Variants in ME1 observed in about 807,000 individuals in gnomAD.
The protein encoded by ME1 is malic enzyme 1, also known as NADP-dependent malic enzyme.
ME1 carries 74 observed loss-of-function variants against 66.4 expected under a neutral mutation model. That is an observed-to-expected ratio of 1.11 (90% CI 0.92 to 1.35). The LOEUF is 1.35. ME1 is among the 40% of genes most tolerant of loss of function. The pLI is 0.00. For missense variants in ME1, 750 were observed against 694.1 expected, an observed-to-expected ratio of 1.08 and a Z score of -0.90; for synonymous variants, 251 against 235.6, an observed-to-expected ratio of 1.07 and a Z score of -0.60.
intron 6 of ME1, among the ~76,000 whole-genome samples, chr6:83,314,999 G>A (rs1768002622): frequency 6.6e-6 from 1 of 151,998 alleles, no homozygotes; most frequent in Non-Finnish European, 1.5e-5. Context: ...AATGTAAAAA[G>A]GTTTGCAGGT....
intron 3 of ME1, among the ~76,000 whole-genome samples, chr6:83,360,651 G>C (rs548535914): frequency 6.6e-6 from 1 of 152,118 alleles, no homozygotes; most frequent in Non-Finnish European, 1.5e-5. Context: ...AAACTATATC[G>C]CATCCCTGGA....
intron 3 of ME1, among the ~76,000 whole-genome samples, chr6:83,367,611 T>C (rs1769123729): frequency 6.6e-6 from 1 of 152,206 alleles, no homozygotes; most frequent in Non-Finnish European, 1.5e-5. Context: ...CTTCTTTCCT[T>C]AAACCTCATG....
At chr6:83,281,836 G>GAAAAAAAAAAAAAAAAAAAAAAAAAA (rs1767298402) in intron 6 of ME1, among the ~76,000 whole-genome samples, 1 of 64,238 alleles carries the variant, frequency 1.6e-5, no homozygotes, top group African/African-American at 6.3e-5. Flanking sequence ...AAAAAAAAAA[G>GAAAAAAAAAAAAAAAAAAAAAAAAAA]AAAAGAAAAC....
intron 5 of ME1, among the ~76,000 whole-genome samples, chr6:83,329,125 AATATT>A (rs1768358545): frequency 6.6e-6 from 1 of 152,110 alleles, no homozygotes; most frequent in Admixed American, 6.6e-5. Flanking sequence ...ATATTATCTT[AATATT>A]ATAAGTATTT....
chr6:83,363,405 C>A (rs960029721), intron 3 of ME1, among the ~76,000 whole-genome samples: 1 of 152,164 alleles, frequency 6.6e-6, no homozygotes, highest in African/African-American at 2.4e-5. Flanking sequence ...TACTACTCCA[C>A]AATGGCGGTA....
rs1767960303 is a variant in ME1 at position 83,313,038 on chromosome 6, T to A, written c.704+2272A>T. ...TTCCAAAGTGCTGGGATTAAAGGTG[T>A]GAGCCACTGTGCCTGGCCCAAGGGT... is the stretch of plus-strand genomic sequence containing the variant. On this transcript the variant is annotated intron_variant, in intron 6 of 13. Transcript: ENST00000369705. Among the ~76,000 whole-genome samples the A allele has an allele frequency of 2.0e-5, 3 of 152,210 alleles. No individual in the cohort carries two copies. The South Asian group carries it at 6.2e-4, about 31-fold the overall frequency.
intron 3 of ME1, among the ~76,000 whole-genome samples, chr6:83,364,038 G>C (rs1000281521): frequency 6.6e-6 from 1 of 152,144 alleles, no homozygotes; most frequent in African/African-American, 2.4e-5. Context: ...AACTTGATAG[G>C]ATTGAAAGAT....
At chr6:83,228,074 C>T (rs940149384) in intron 10 of ME1, among the ~76,000 whole-genome samples, 2 of 152,066 alleles carry the variant, frequency 1.3e-5, no homozygotes, top group African/African-American at 2.4e-5. Flanking sequence ...TTATTTTCAA[C>T]GTTGTCATCT....
intron 6 of ME1, among the ~76,000 whole-genome samples, chr6:83,276,028 C>T (rs1767176562): frequency 6.6e-6 from 1 of 151,962 alleles, no homozygotes; most frequent in South Asian, 2.1e-4. Flanking sequence ...TCTCGGTCTC[C>T]GGAACTGCTG....
intron 6 of ME1, among the ~76,000 whole-genome samples, chr6:83,301,332 CTCTCTCTT>C (rs144309031): frequency 0.064 from 9,212 of 143,292 alleles, 638 homozygotes; most frequent in African/African-American, 0.18. Flanking sequence ...CTCTCTCTCT[CTCTCTCTT>C]TCTTTCTTTC....
At chr6:83,264,291 C>T (rs1023791521) in intron 6 of ME1, among the ~76,000 whole-genome samples, 1 of 152,158 alleles carries the variant, frequency 6.6e-6, no homozygotes, top group Non-Finnish European at 1.5e-5. Context: ...CAAAATATTG[C>T]TGCTTATTGG....
intron 9 of ME1, among the ~76,000 whole-genome samples, chr6:83,237,479 A>G (rs1401897890): frequency 6.6e-6 from 1 of 152,160 alleles, no homozygotes; most frequent in Non-Finnish European, 1.5e-5. Context: ...ATTCAAATGG[A>G]CTGTCAATTC....
intron 7 of ME1, among the ~76,000 whole-genome samples, chr6:83,247,650 C>T (rs1383356617): frequency 6.6e-6 from 1 of 151,902 alleles, no homozygotes; most frequent in Non-Finnish European, 1.5e-5. Context: ...TCTGTGCCTG[C>T]AGAGAGGAAA....
At chr6:83,351,084 T>G (rs1004688447) in intron 4 of ME1, among the ~76,000 whole-genome samples, 1 of 150,622 alleles carries the variant, frequency 6.6e-6, no homozygotes, top group Non-Finnish European at 1.5e-5. Flanking sequence ...TAATCAATTA[T>G]AGCCACAATG....
intron 6 of ME1, among the ~76,000 whole-genome samples, chr6:83,294,208 G>C (rs565955022): frequency 6.6e-6 from 1 of 152,318 alleles, no homozygotes; most frequent in Non-Finnish European, 1.5e-5. Context: ...ACTACTCTGT[G>C]TATTATTAAG....
intron 6 of ME1, among the ~76,000 whole-genome samples, chr6:83,308,000 T>C (rs188049590): frequency 1.1e-4 from 16 of 152,270 alleles, no homozygotes; most frequent in Admixed American, 9.8e-4. Context: ...GTCTGGTCTG[T>C]TTCAGGCACA....
At chr6:83,242,698 T>C (rs1005535455) in intron 7 of ME1, among the ~76,000 whole-genome samples, 2 of 152,028 alleles carry the variant, frequency 1.3e-5, no homozygotes, top group South Asian at 2.1e-4. Context: ...GAAAACTGCT[T>C]TTTCGAAAAG....
intron 3 of ME1, among the ~76,000 whole-genome samples, chr6:83,355,967 T>C (rs969647260): frequency 3.3e-5 from 5 of 152,130 alleles, no homozygotes; most frequent in Non-Finnish European, 7.4e-5. Context: ...ATTGAGACAA[T>C]TTTAAAATAT....
chr6:83,359,505 C>G (rs1207902293), intron 3 of ME1, among the ~76,000 whole-genome samples: 1 of 152,170 alleles, frequency 6.6e-6, no homozygotes, highest in Admixed American at 6.6e-5. Context: ...TAAATAGGAA[C>G]TCTGCATTTA....
Sources: allele counts gnomAD v4.1 joint callset (sites outside exome capture counted in the v4.1 genomes callset), GRCh38; gene constraint gnomAD v4.1.1; transcripts MANE v1.5; gene names NCBI Gene and HGNC (gene_info 2026-07-23, HGNC 2026-07-21).